The following SMARCA2 variants were observed in gnomAD, a reference collection of about 807,000 sequenced individuals.
SMARCA2 encodes SWI/SNF-related matrix-associated actin-dependent regulator of chromatin subfamily A member 2.
SMARCA2 carries 61 observed loss-of-function variants against 199.8 expected under a neutral mutation model. That is an observed-to-expected ratio of 0.31 (90% CI 0.25 to 0.38). SMARCA2 has a LOEUF of 0.38. SMARCA2 is among the 10% of genes least tolerant of loss of function. SMARCA2 has a pLI of 1.00. For synonymous variants in SMARCA2, 935 were observed against 732.0 expected, an observed-to-expected ratio of 1.28 and a Z score of -4.48; for missense variants, 1,344 against 2,012.2, an observed-to-expected ratio of 0.67 and a Z score of 6.35.
chr9:2,092,464 A>G (rs1303000820), intron 19 of SMARCA2, among the ~76,000 whole-genome samples: 1 of 152,210 alleles, frequency 6.6e-6, no homozygotes, highest in Non-Finnish European at 1.5e-5. Flanking sequence ...CATATTGTTT[A>G]CAAATCTCAG....
Position 2,039,824 on chromosome 9 carries a change from G to C in SMARCA2, c.714G>C (p.Gln238His), listed in dbSNP as rs764906078. ...AGCAGCAGCAGCAGCAGCAACAGCA[G>C]CCGCAGCAGCAGCCGCCGCAACCAC... ...QQQQQQQQQQ[Q>H]PQQQPPQPQT... Residue 238 changes from glutamine to histidine, a missense_variant, in exon 4 of 34, where the codon CAG (glutamine) becomes CAC (histidine). This residue lies in a region of SMARCA2 where 117 missense variants were observed against 99.1 expected (regional missense o/e 1.18). Coordinates refer to ENST00000349721, the MANE Select transcript of SMARCA2 (RefSeq NM_003070.5). This position sits in a 1 kb window ranked among gnomAD's most constrained non-coding sequence, Gnocchi z 4.8. 1 of 1,608,456 alleles carries C rather than the reference G, an allele frequency of 6.2e-7. No homozygotes were observed. Among genetic ancestry groups the C allele is most frequent in the East Asian group, 2.2e-5 (1 of 44,764 alleles).
intron 3 of SMARCA2, among the ~76,000 whole-genome samples, chr9:2,036,090 A>G (rs934748252): frequency 2.6e-4 from 39 of 152,136 alleles, no homozygotes; most frequent in Non-Finnish European, 1.0e-4. Context: ...TAAATACTGA[A>G]TTGTGTACCT....
At chr9:2,178,753 A>AAAAT (rs1826801792) in intron 29 of SMARCA2, among the ~76,000 whole-genome samples, 1 of 152,044 alleles carries the variant, frequency 6.6e-6, no homozygotes, top group Non-Finnish European at 1.5e-5. Context: ...ATTTAGGAAA[A>AAAAT]AAATAAATTA....
intron 1 of SMARCA2, among the ~76,000 whole-genome samples, chr9:2,020,394 G>T (rs1290121110): frequency 6.6e-6 from 1 of 152,070 alleles, no homozygotes; most frequent in African/African-American, 2.4e-5. Context: ...TGGGTCATTC[G>T]CTAAGTAGTG....
intron 29 of SMARCA2, among the ~76,000 whole-genome samples, chr9:2,174,772 G>A (rs1826444807): frequency 1.3e-5 from 2 of 151,426 alleles, no homozygotes; most frequent in Admixed American, 6.6e-5. Context: ...ATGCAAAAAT[G>A]AGGTGGGTGT....
rs771614803 is a variant in SMARCA2 at position 2,172,050 on chromosome 9, C to T, written c.4253+1578C>T. On this transcript the variant is annotated intron_variant, in intron 29 of 33. Transcript: ENST00000349721. ...TAGCAGTGGGCTTGGTGTTTGCTTCCTCAGGGCTCTCTGGAGTCTGTCTTG... is the reference window on the plus strand; with the variant it reads ...TAGCAGTGGGCTTGGTGTTTGCTTCTTCAGGGCTCTCTGGAGTCTGTCTTG... 5.5e-4 allele frequency among the ~76,000 whole-genome samples: 83 copies of T among 152,272 alleles called. 1 individual carries two copies. Among genetic ancestry groups the T allele is most frequent in the South Asian group, 1.7e-3 (8 of 4,824 alleles).
intron 5 of SMARCA2, among the ~76,000 whole-genome samples, chr9:2,052,048 T>C (rs902308425): frequency 2.0e-5 from 3 of 152,318 alleles, no homozygotes; most frequent in African/African-American, 7.2e-5. Flanking sequence ...TGGAAGAAAG[T>C]TGGGAGAATT....
In SMARCA2 at chr9:2,170,686, A is replaced by G. The variant is rs542719182; in HGVS notation, c.4253+214A>G. On this transcript the variant is annotated intron_variant, in intron 29 of 33. Coordinates refer to ENST00000349721, the MANE Select transcript of SMARCA2 (RefSeq NM_003070.5). This position sits in a 1 kb window ranked among gnomAD's most constrained non-coding sequence, Gnocchi z 4.7. ...GCTGTATTTTAATCTGGCTGTGCCA[A>G]TTCTATACATGCACTCCTTACAAGG... is the stretch of plus-strand genomic sequence containing the variant. 2.0e-4 allele frequency among the ~76,000 whole-genome samples: 30 copies of G among 152,272 alleles called. 1 individual carries two copies. The South Asian group carries it at 4.6e-3, about 23-fold the overall frequency.
chr9:2,050,331 T>C (rs7874177), intron 5 of SMARCA2, among the ~76,000 whole-genome samples: 9,964 of 152,138 alleles, frequency 0.065, 748 homozygotes, highest in African/African-American at 0.17. Context: ...GCTTTTTTTT[T>C]TTCTTTTTTT....
intron 8 of SMARCA2, among the ~76,000 whole-genome samples, chr9:2,060,575 G>A (rs1262966534): frequency 3.9e-5 from 6 of 152,220 alleles, no homozygotes; most frequent in Non-Finnish European, 8.8e-5. Context: ...CACACCACAC[G>A]TACAGTGTGG....
In SMARCA2 at chr9:2,029,058, C is replaced by A; in HGVS notation, c.36C>A (p.His12Gln). 2 of 1,557,664 alleles carry A rather than the reference C, an allele frequency of 1.3e-6. No homozygotes were observed. Among genetic ancestry groups the A allele is most frequent in the African/African-American group, 1.4e-5 (1 of 73,402 alleles). The part of the protein sequence containing the change: ...STPTDPGAMP[H>Q]PGPSPGPGPS... ...CCACAGACCCTGGTGCGATGCCCCA[C>A]CCAGGGCCTTCGCCGGGGCCTGGGC... The change falls in exon 2 of 34, where the codon CAC (histidine) becomes CAA (glutamine). Residue 12 changes from histidine (H) to glutamine (Q), a missense_variant. Transcript: ENST00000349721.
intron 3 of SMARCA2, among the ~76,000 whole-genome samples, chr9:2,037,455 A>G (rs1819383550): frequency 6.6e-6 from 1 of 152,172 alleles, no homozygotes; most frequent in African/African-American, 2.4e-5. Flanking sequence ...TCTACTTCTC[A>G]TCAGTTGGTG....
At chr9:2,093,557 G>A (rs1450251505) in intron 19 of SMARCA2, among the ~76,000 whole-genome samples, 8 of 152,168 alleles carry the variant, frequency 5.3e-5, no homozygotes, top group Non-Finnish European at 2.9e-5. Context: ...AGGCCTTATG[G>A]GTTTCCCCGT....
At position 2,081,788 on chromosome 9, in the gene SMARCA2, C is replaced by T. The variant is rs374193961; in HGVS notation, c.2185-44C>T. 3.8e-6 allele frequency: 6 copies of T among 1,578,032 alleles called. No individual in the cohort carries two copies. The Admixed American group carries it at 5.0e-5, about 13-fold the overall frequency. On this transcript the variant is annotated intron_variant, in intron 14 of 33. Transcript: ENST00000349721. The stretch of plus-strand genomic sequence containing the variant: ...CTTGGGTTGTATTAGGATTAATTAC[C>T]TGTGCAGATCTTGGATAATTGAAGC...
At chr9:2,155,164 C>T (rs3793503) in intron 27 of SMARCA2, among the ~76,000 whole-genome samples, 125,709 of 152,256 alleles carry the variant, frequency 0.83, 52,182 homozygotes, top group African/African-American at 0.91. Flanking sequence ...GGCCAACCTC[C>T]ACTAAATCTA....
At chr9:2,054,488 AAT>A in intron 5 of SMARCA2, 107 bp from the exon 6 acceptor site, 4 of 1,302,152 alleles carry the variant, frequency 3.1e-6, no homozygotes, top group Non-Finnish European at 4.3e-6. Context: ...CAGTATCTGG[AAT>A]ATGTTTTGCC....
chr9:2,120,071 A>T (rs1456335812), intron 26 of SMARCA2, among the ~76,000 whole-genome samples: 1 of 152,216 alleles, frequency 6.6e-6, no homozygotes, highest in African/African-American at 2.4e-5. Flanking sequence ...GCCTTTTCAG[A>T]TTGTTGACGA....
At chr9:2,178,586 G>A (rs575980752) in intron 29 of SMARCA2, among the ~76,000 whole-genome samples, 2 of 152,070 alleles carry the variant, frequency 1.3e-5, no homozygotes, top group East Asian at 1.9e-4. Context: ...CTGGCCGGGG[G>A]CAGGGTGGTG....
chr9:2,085,635 A>G (rs1037964121), intron 17 of SMARCA2: 1 of 152,146 alleles, frequency 6.6e-6, no homozygotes, highest in Admixed American at 6.5e-5. Flanking sequence ...GGAGGAAGGA[A>G]AAAAAATCGA....
Sources: gnomAD v4.1 joint callset for allele counts (sites outside exome capture counted in the v4.1 genomes callset) on GRCh38, gnomAD v4.1.1 for gene constraint, gnomAD v4.1.1 regional missense constraint, Gnocchi (gnomAD v3.1) non-coding constraint, MANE v1.5 for transcripts, NCBI Gene and HGNC (gene_info 2026-07-23, HGNC 2026-07-21) for gene names.